AGBL1: variants seen among roughly 807,000 people sequenced by gnomAD.
The protein encoded by AGBL1 is cytosolic carboxypeptidase 4.
Under a neutral mutation model 118.9 loss-of-function variants are expected in AGBL1, and 130 were observed. The observed-to-expected ratio is 1.09, with a 90% CI of 0.95 to 1.26. The LOEUF is 1.26. Ranked by LOEUF, AGBL1 falls within the 50% of genes most tolerant of loss-of-function variation. AGBL1 has a pLI of 0.00. For missense variants in AGBL1, 1,584 were observed against 1,298.1 expected, an observed-to-expected ratio of 1.22 and a Z score of -3.38; for synonymous variants, 555 against 478.9, an observed-to-expected ratio of 1.16 and a Z score of -2.08.
intron 1 of AGBL1, among the ~76,000 whole-genome samples, chr15:86,102,551 C>T (rs1896798354): frequency 6.6e-6 from 1 of 152,074 alleles, no homozygotes; most frequent in African/African-American, 2.4e-5. Context: ...GATAACTTTG[C>T]TGTGTATAGT....
Position 86,246,295 on chromosome 15 carries a change from G to A in AGBL1, c.527-1376G>A, listed in dbSNP as rs1030422741. On this transcript the variant is annotated intron_variant, in intron 6 of 22. Transcript: ENST00000614907. Reference sequence around the variant, plus strand: ...TGGAGGAGGCAGCACAGCAAAACCCGTGAAGTAACAGAAGTGTTTCTGTCG... The same window carrying A: ...TGGAGGAGGCAGCACAGCAAAACCCATGAAGTAACAGAAGTGTTTCTGTCG... Among the ~76,000 whole-genome samples, 6 of 152,204 alleles carry A rather than the reference G, an allele frequency of 3.9e-5. No individual in the cohort carries two copies. The East Asian group carries it at 5.8e-4, about 15-fold the overall frequency.
intron 21 of AGBL1, among the ~76,000 whole-genome samples, chr15:86,624,050 G>C (rs1055262322): frequency 3.9e-5 from 6 of 152,158 alleles, no homozygotes; most frequent in African/African-American, 1.4e-4. Context: ...GAGAGGAATG[G>C]GAGGAAGGGA....
At chr15:86,579,049 A>G (rs143175373) in intron 21 of AGBL1, among the ~76,000 whole-genome samples, 2 of 152,300 alleles carry the variant, frequency 1.3e-5, no homozygotes, top group African/African-American at 4.8e-5. Context: ...ATAACAAAAG[A>G]CTTTTGTAAA....
chr15:86,589,351 G>C (rs536809041), intron 21 of AGBL1, among the ~76,000 whole-genome samples: 3 of 152,200 alleles, frequency 2.0e-5, no homozygotes, highest in African/African-American at 7.2e-5. Flanking sequence ...TTGCTTAGGG[G>C]TATTTATGGA....
chr15:86,133,282 C>T (rs1003282082), intron 1 of AGBL1, among the ~76,000 whole-genome samples: 1 of 152,188 alleles, frequency 6.6e-6, no homozygotes, highest in Admixed American at 6.5e-5. Context: ...GCATACTAGC[C>T]TCTTTTGCCC....
At chr15:86,641,259 T>C (rs1367994379) in intron 21 of AGBL1, among the ~76,000 whole-genome samples, 3 of 152,152 alleles carry the variant, frequency 2.0e-5, no homozygotes, top group African/African-American at 7.2e-5. Context: ...CCAAAAATTA[T>C]TGTGATCACT....
chr15:86,871,763 C>T (rs546461143), intron 22 of AGBL1, among the ~76,000 whole-genome samples: 2 of 152,308 alleles, frequency 1.3e-5, no homozygotes, highest in South Asian at 4.1e-4. Flanking sequence ...TCCTTCCACA[C>T]CTACCATCTT....
chr15:86,238,701 T>C (rs1421317932), intron 6 of AGBL1, among the ~76,000 whole-genome samples: 1 of 152,250 alleles, frequency 6.6e-6, no homozygotes, highest in African/African-American at 2.4e-5. Context: ...TGGATAAACA[T>C]ATGCCTGAGG....
intron 16 of AGBL1, among the ~76,000 whole-genome samples, chr15:86,285,528 G>C (rs542600773): frequency 6.6e-6 from 1 of 152,112 alleles, no homozygotes; most frequent in Non-Finnish European, 1.5e-5. Flanking sequence ...CCTCTTGCCT[G>C]CCACCATGTA....
chr15:86,541,632 G>A (rs1289893513), intron 19 of AGBL1, among the ~76,000 whole-genome samples: 1 of 146,138 alleles, frequency 6.8e-6, no homozygotes, highest in Non-Finnish European at 1.5e-5. Flanking sequence ...GAGAGAGAGA[G>A]AGACCCACTG....
intron 16 of AGBL1, among the ~76,000 whole-genome samples, chr15:86,290,449 C>T (rs2079526571): frequency 6.6e-6 from 1 of 150,528 alleles, no homozygotes; most frequent in Non-Finnish European, 1.5e-5. Flanking sequence ...CTCCCAGGCT[C>T]AAGTGATCCT....
intron 22 of AGBL1, among the ~76,000 whole-genome samples, chr15:86,703,557 C>T (rs1338541708): frequency 1.3e-5 from 2 of 152,032 alleles, no homozygotes; most frequent in Admixed American, 6.6e-5. Flanking sequence ...TTTTCTGTTA[C>T]GGTTTGTCTC....
chr15:86,429,922 C>G (rs1045600767), intron 18 of AGBL1, among the ~76,000 whole-genome samples: 1 of 152,172 alleles, frequency 6.6e-6, no homozygotes, highest in Admixed American at 6.5e-5. Flanking sequence ...TCAGTCAGCT[C>G]TTTAGCCTGC....
At chr15:86,827,941 T>TTTTTTTTTTTTTTTTTTTTTTTTG in intron 22 of AGBL1, among the ~76,000 whole-genome samples, 1 of 109,228 alleles carries the variant, frequency 9.2e-6, no homozygotes, top group African/African-American at 3.3e-5. Context: ...TGTAGGGCTT[T>TTTTTTTTTTTTTTTTTTTTTTTTG]TTTTTTTTTT....
At chr15:86,940,755 G>C (rs1428296899) in intron 23 of AGBL1, among the ~76,000 whole-genome samples, 2 of 152,168 alleles carry the variant, frequency 1.3e-5, no homozygotes, top group East Asian at 3.9e-4. Context: ...AGTTCCCTCT[G>C]CCTTTAACTC....
intron 13 of AGBL1, 99 bp downstream of exon 13, chr15:86,267,175 G>A (rs1483670069): frequency 4.0e-5 from 37 of 927,922 alleles, no homozygotes; most frequent in Non-Finnish European, 1.0e-5. Context: ...TTGCATTGGT[G>A]GCTTGAAATC....
At chr15:86,308,316 C>G (rs1457391520) in intron 17 of AGBL1, among the ~76,000 whole-genome samples, 1 of 151,994 alleles carries the variant, frequency 6.6e-6, no homozygotes, top group Non-Finnish European at 1.5e-5. Flanking sequence ...GGGTGGGGCC[C>G]TGATGATACT....
intron 22 of AGBL1, among the ~76,000 whole-genome samples, chr15:86,784,845 G>C (rs2078384449): frequency 6.6e-6 from 1 of 152,062 alleles, no homozygotes; most frequent in Non-Finnish European, 1.5e-5. Context: ...TGGTGAAATG[G>C]AGTTTGACGT....
chr15:86,350,317 A>AT (rs1176752972), intron 17 of AGBL1, among the ~76,000 whole-genome samples: 4 of 152,364 alleles, frequency 2.6e-5, no homozygotes, highest in South Asian at 4.1e-4. Context: ...ACAGACTCTG[A>AT]TTTAATATTA....
Sources: allele counts gnomAD v4.1 joint callset (sites outside exome capture counted in the v4.1 genomes callset), GRCh38; gene constraint gnomAD v4.1.1; transcripts MANE v1.5; gene names NCBI Gene and HGNC (gene_info 2026-07-23, HGNC 2026-07-21).